GALNT15: variants seen among roughly 807,000 people sequenced by gnomAD.
The protein encoded by GALNT15 is polypeptide N-acetylgalactosaminyltransferase 15.
GALNT15 carries 67 observed loss-of-function variants against 66.8 expected under a neutral mutation model. That is an observed-to-expected ratio of 1.00 (90% CI 0.82 to 1.23). The LOEUF (loss-of-function observed/expected upper bound fraction) is 1.23, where lower values mean the gene tolerates loss of function less well. Ranked by LOEUF, GALNT15 falls within the 50% of genes most tolerant of loss-of-function variation. The probability of loss-of-function intolerance (pLI) is 0.00; values close to 1 mark genes in which losing one functional copy is unlikely to be tolerated. For synonymous variants in GALNT15, 313 were observed against 311.5 expected (o/e 1.00, Z -0.05); for missense variants, 827 against 804.3 (o/e 1.03, Z -0.34).
Position 16,204,150 on chromosome 3 carries a change from A to G in GALNT15, c.911+3327A>G, listed in dbSNP as rs1324322841. 2.0e-5 allele frequency among the ~76,000 whole-genome samples: 3 copies of G among 152,044 alleles called. No homozygotes were observed. Among genetic ancestry groups the G allele is most frequent in the Admixed American group, 1.3e-4 (2 of 15,268 alleles). ...CGTAGCCTCCTCCACACCCTGGCCA[A>G]GGAATTCAGAGCCTGCTGACCAGCC... is the stretch of plus-strand genomic sequence containing the variant. On this transcript the variant is annotated intron_variant, in intron 3 of 9. Transcript: ENST00000339732. The surrounding 1 kb of genome is among the most constrained non-coding windows in gnomAD (Gnocchi z 4.5).
intron 6 of GALNT15, among the ~76,000 whole-genome samples, chr3:16,216,238 G>T (rs2063875631): frequency 6.6e-6 from 1 of 152,128 alleles, no homozygotes; most frequent in Non-Finnish European, 1.5e-5. Flanking sequence ...CAGAGTGAGG[G>T]ACCAAAGCAA....
rs1164976010 is a variant in GALNT15 at position 16,203,543 on chromosome 3, T to TCACACACACACACACACACA, written c.911+2747_911+2766dup. On this transcript the variant is annotated intron_variant, in intron 3 of 9. Transcript: ENST00000339732. The surrounding 1 kb of genome is among the most constrained non-coding windows in gnomAD (Gnocchi z 6.2). The stretch of plus-strand genomic sequence containing the variant: ...CATTCTCTCTCTCTCTCTCTCTCTC[T>TCACACACACACACACACACA]CACACACACACACACACACACACAC... 1.6e-5 allele frequency among the ~76,000 whole-genome samples: 1 copy of TCACACACACACACACACACA among 61,106 alleles called. No individual in the cohort carries two copies. The highest frequency in any genetic ancestry group is 5.5e-5 in the African/African-American group (1 of 18,252). The allele number at this position is 61,106 out of a possible 152,430, so 40.1% of individuals were successfully genotyped here. A position where few individuals can be genotyped will look rare whatever the true frequency, so the allele number is the denominator to read the frequency against.
Position 16,219,889 on chromosome 3 carries a change from T to G in GALNT15, c.1525-21T>G. 6.4e-7 allele frequency: 1 copy of G among 1,566,718 alleles called. No individual in the cohort carries two copies. The highest frequency in any genetic ancestry group is 8.8e-7 in the Non-Finnish European group (1 of 1,137,612). ...TACAGTGGAATCTGGAATTCACTCCTGTGTGTGTGTCCACTTTCAGCTCCA... is the reference window on the plus strand; with the variant it reads ...TACAGTGGAATCTGGAATTCACTCCGGTGTGTGTGTCCACTTTCAGCTCCA... On this transcript the variant is annotated intron_variant, in intron 7 of 9. Coordinates refer to ENST00000339732, the MANE Select transcript of GALNT15 (RefSeq NM_054110.5). This position sits in a 1 kb window ranked among gnomAD's most constrained non-coding sequence, Gnocchi z 4.3.
intron 6 of GALNT15, among the ~76,000 whole-genome samples, chr3:16,218,716 T>C (rs985766939): frequency 2.0e-5 from 3 of 151,564 alleles, no homozygotes; most frequent in Admixed American, 6.6e-5. Context: ...TCGTAGTTTC[T>C]CCTTACACCA....
downstream of GALNT15, among the ~76,000 whole-genome samples, chr3:16,234,249 C>G (rs1265457723): frequency 2.6e-5 from 4 of 152,212 alleles, no homozygotes; most frequent in African/African-American, 9.7e-5. Flanking sequence ...CCATATCCCT[C>G]TGGTCTTATA....
chr3:16,225,031 A>G lies in GALNT15; in HGVS notation c.1773+2273A>G, dbSNP rs540087955. 5.9e-5 allele frequency among the ~76,000 whole-genome samples: 9 copies of G among 152,324 alleles called. No individual in the cohort carries two copies. The highest frequency in any genetic ancestry group is 1.9e-4 in the African/African-American group (8 of 41,560). Reference sequence around the variant, plus strand: ...ATTGGCTCATGGTTCTGCAGGCTGTATAGGAAGCATAGTGGCATCTGCTTC... The same window carrying G: ...ATTGGCTCATGGTTCTGCAGGCTGTGTAGGAAGCATAGTGGCATCTGCTTC... On this transcript the variant is annotated intron_variant, in intron 9 of 9. Transcript: ENST00000339732. The surrounding 1 kb of genome is among the most constrained non-coding windows in gnomAD (Gnocchi z 4.4).
rs2063828506 is a variant in GALNT15, at chr3:16,212,599, C to T, written c.1228C>T (p.Leu410Phe). ...GCTCTGTGGTGGCTCTGTTGAAATC[C>T]TTCCCTGCTCTCGGGTAGGACACAT... ...AWLCGGSVEILPCSRVGHIYQ... is the reference protein window; with the variant it reads ...AWLCGGSVEIFPCSRVGHIYQ... The change falls in exon 6 of 10, where the codon CTT becomes TTT. Residue 410 changes from leucine (L) to phenylalanine (F), a missense_variant. Leu to Phe is a conservative substitution (Grantham distance 22). Transcript: ENST00000339732. The T allele has an allele frequency of 1.2e-6, 2 of 1,614,000 alleles. No individual in the cohort carries two copies. The highest frequency in any genetic ancestry group is 1.7e-6 in the Non-Finnish European group (2 of 1,179,988).
Position 16,182,211 on chromosome 3 carries a change from G to A in GALNT15, c.539+6521G>A, listed in dbSNP as rs2063478778. On this transcript the variant is annotated intron_variant, in intron 1 of 9. Transcript: ENST00000339732. The surrounding 1 kb of genome is among the most constrained non-coding windows in gnomAD (Gnocchi z 6.1). ...CTTCAGACCCCACTTAAACCTACTA[G>A]ATGAAATCTCTACTTTAACAGGATC... Among the ~76,000 whole-genome samples the A allele has an allele frequency of 6.6e-6, 1 of 152,124 alleles. No homozygotes were observed. Among genetic ancestry groups the A allele is most frequent in the South Asian group, 2.1e-4 (1 of 4,826 alleles).
At position 16,175,422 on chromosome 3, in the gene GALNT15, C is replaced by T. The variant is rs377515842; in HGVS notation, c.271C>T (p.Arg91Trp). The change falls in exon 1 of 10, where the codon CGG becomes TGG. Residue 91 changes from arginine to tryptophan, a missense_variant. Arg to Trp is a moderately radical substitution (Grantham distance 101). Coordinates refer to ENST00000339732, the MANE Select transcript of GALNT15 (RefSeq NM_054110.5). This position sits in a 1 kb window ranked among gnomAD's most constrained non-coding sequence, Gnocchi z 5.6. ...GGGCCTGCCACCCTTTATCTCACTG[C>T]GGGAGGATCAGCTGCTGGTGGCCGT... Reference protein sequence around the residue: ...LEGLPPFISLREDQLLVAVAL... With the variant: ...LEGLPPFISLWEDQLLVAVAL... The T allele has an allele frequency of 6.6e-5, 106 of 1,614,002 alleles. No homozygotes were observed. Among genetic ancestry groups the T allele is most frequent in the Non-Finnish European group, 8.0e-5 (94 of 1,180,016 alleles).
chr3:16,238,417 G>A, the GALNT15 span, among the ~76,000 whole-genome samples: 1 of 151,830 alleles, frequency 6.6e-6, no homozygotes, highest in African/African-American at 2.4e-5. The surrounding 1 kb of genome is among the most constrained non-coding windows in gnomAD (Gnocchi z 4.8). Context: ...TTAGTACTAT[G>A]TACTATTACT....
At chr3:16,197,528 G>C (rs1270253421) in intron 2 of GALNT15, among the ~76,000 whole-genome samples, 3 of 152,178 alleles carry the variant, frequency 2.0e-5, no homozygotes, top group Non-Finnish European at 4.4e-5. Context: ...CACCCAGAGA[G>C]GCAGGGCTTA....
the GALNT15 span, among the ~76,000 whole-genome samples, chr3:16,240,102 G>C: frequency 6.6e-6 from 1 of 152,328 alleles, no homozygotes; most frequent in East Asian, 1.9e-4. Context: ...ATGAGGGCTG[G>C]GTTGGTAAAG....
Position 16,227,562 on chromosome 3 carries a change from A to C in GALNT15, c.*62A>C. 1 of 1,613,246 alleles carries C rather than the reference A, an allele frequency of 6.2e-7. No homozygotes were observed. The highest frequency in any genetic ancestry group is 8.5e-7 in the Non-Finnish European group (1 of 1,179,710). ...CAAAATCCAGCTCCAAGTGAACTTA[A>C]AGAGCTTATATATTTCATGAAGCTG... On this transcript the variant is annotated 3_prime_UTR_variant, in exon 10 of 10. Coordinates refer to ENST00000339732, the MANE Select transcript of GALNT15 (RefSeq NM_054110.5). This position sits in a 1 kb window ranked among gnomAD's most constrained non-coding sequence, Gnocchi z 4.5.
At chr3:16,230,244 C>T (rs1055735), downstream of GALNT15, among the ~76,000 whole-genome samples, 9,984 of 152,244 alleles carry the variant, frequency 0.066, 353 homozygotes, top group Admixed American at 0.074. This position sits in a 1 kb window ranked among gnomAD's most constrained non-coding sequence, Gnocchi z 4.5. Context: ...GAGTCCCACA[C>T]TCTTCATGCT....
At position 16,180,376 on chromosome 3, in the gene GALNT15, G is replaced by A. The variant is rs1337964816; in HGVS notation, c.539+4686G>A. On this transcript the variant is annotated intron_variant, in intron 1 of 9. Transcript: ENST00000339732. The surrounding 1 kb of genome is among the most constrained non-coding windows in gnomAD (Gnocchi z 5.0). ...TCAAATTCAGCAGGTCAGGAGGGCA[G>A]CCTCAGATGCTCCATTTCTATCAAA... Among the ~76,000 whole-genome samples the A allele has an allele frequency of 6.6e-6, 1 of 152,204 alleles. No individual in the cohort carries two copies. Among genetic ancestry groups the A allele is most frequent in the Non-Finnish European group, 1.5e-5 (1 of 68,032 alleles).
rs553747107 is a variant in GALNT15, at chr3:16,204,965, G to A, written c.912-3538G>A. Among the ~76,000 whole-genome samples, 136 of 152,324 alleles carry A rather than the reference G, an allele frequency of 8.9e-4. No homozygotes were observed. Among genetic ancestry groups the A allele is most frequent in the Admixed American group, 4.6e-4 (7 of 15,304 alleles). On this transcript the variant is annotated intron_variant, in intron 3 of 9. Coordinates refer to ENST00000339732, the MANE Select transcript of GALNT15 (RefSeq NM_054110.5). This position sits in a 1 kb window ranked among gnomAD's most constrained non-coding sequence, Gnocchi z 4.5. Reference sequence around the variant, plus strand: ...AGCATGTGCGTGCGTGTGTGTGTGCGCGCGCATGTGCGCGTCAAGGAGCAG... The same window carrying A: ...AGCATGTGCGTGCGTGTGTGTGTGCACGCGCATGTGCGCGTCAAGGAGCAG...
chr3:16,220,101 T>G (rs2063927105), intron 8 of GALNT15, 87 bp downstream of exon 8: 1 of 1,002,194 alleles, frequency 1.0e-6, no homozygotes, highest in Non-Finnish European at 1.6e-6. Flanking sequence ...CATACTTCCC[T>G]TTGAGGTATC....
rs753944508 is a variant in GALNT15, at chr3:16,180,315, G to T, written c.539+4625G>T. 1.3e-5 allele frequency among the ~76,000 whole-genome samples: 2 copies of T among 152,214 alleles called. No homozygotes were observed. The highest frequency in any genetic ancestry group is 2.9e-5 in the Non-Finnish European group (2 of 68,052). ...AGCAGTGCTCCTCAAACTTTAAGGT[G>T]CATGCGAATCTTCTAGGCATCCTGT... On this transcript the variant is annotated intron_variant, in intron 1 of 9. Coordinates refer to ENST00000339732, the MANE Select transcript of GALNT15 (RefSeq NM_054110.5). This position sits in a 1 kb window ranked among gnomAD's most constrained non-coding sequence, Gnocchi z 5.0.
chr3:16,219,896 G>T lies in GALNT15; in HGVS notation c.1525-14G>T. The T allele has an allele frequency of 8.1e-6, 13 of 1,597,626 alleles. No homozygotes were observed. The highest frequency in any genetic ancestry group is 1.1e-5 in the Non-Finnish European group (13 of 1,165,180). On this transcript the variant is annotated splice_polypyrimidine_tract_variant and intron_variant, in intron 7 of 9. Transcript: ENST00000339732. This position sits in a 1 kb window ranked among gnomAD's most constrained non-coding sequence, Gnocchi z 4.3. ...GAATCTGGAATTCACTCCTGTGTGT[G>T]TGTCCACTTTCAGCTCCACAACACT...
Sources: gnomAD v4.1 joint callset for allele counts (sites outside exome capture counted in the v4.1 genomes callset) on GRCh38, gnomAD v4.1.1 for gene constraint, Gnocchi (gnomAD v3.1) non-coding constraint, MANE v1.5 for transcripts, NCBI Gene and HGNC (gene_info 2026-07-23, HGNC 2026-07-21) for gene names.